VSTM4: variants seen among roughly 807,000 people sequenced by gnomAD.
VSTM4 encodes V-set and transmembrane domain-containing protein 4.
VSTM4 carries 20 observed loss-of-function variants against 36.4 expected under a neutral mutation model. The ratio of observed to expected loss-of-function variants is 0.55; its 90% CI spans 0.39 to 0.80. The LOEUF (loss-of-function observed/expected upper bound fraction) is 0.80. VSTM4 is among the 30% of genes least tolerant of loss of function. The pLI is 0.00. For synonymous variants in VSTM4, 182 were observed against 173.9 expected, an observed-to-expected ratio of 1.05 and a Z score of -0.37; for missense variants, 392 against 404.5, an observed-to-expected ratio of 0.97 and a Z score of 0.26.
intron 7 of VSTM4, among the ~76,000 whole-genome samples, chr10:49,031,090 G>A (rs1043171715): frequency 2.4e-4 from 37 of 152,296 alleles, no homozygotes; most frequent in African/African-American, 8.7e-4. Context: ...TAGAAAAAAG[G>A]GAGCCTTTGG....
chr10:49,030,543 G>C lies in VSTM4; in HGVS notation c.838-10768C>G, dbSNP rs1843329893. ...CACCCAGCATGCTCTAGGACAGTGG[G>C]AGGACTGGAAAAGTCTGGAGCTCAG... is the stretch of plus-strand genomic sequence containing the variant. On this transcript the variant is annotated intron_variant, in intron 7 of 7. Transcript: ENST00000332853. Among the ~76,000 whole-genome samples the C allele has an allele frequency of 3.3e-5, 5 of 152,350 alleles. No homozygotes were observed. In the South Asian group the frequency reaches 1.0e-3, roughly 32 times the overall value.
intron 5 of VSTM4, among the ~76,000 whole-genome samples, chr10:49,050,725 T>C (rs917663875): frequency 6.6e-6 from 1 of 152,228 alleles, no homozygotes; most frequent in African/African-American, 2.4e-5. Context: ...TTTTATAAAC[T>C]CTTGAAATGC....
At chr10:49,088,338 T>A (rs1413543529) in intron 2 of VSTM4, among the ~76,000 whole-genome samples, 1 of 152,176 alleles carries the variant, frequency 6.6e-6, no homozygotes, top group Non-Finnish European at 1.5e-5. Context: ...AACCTGGACC[T>A]CCAGGAAGGA....
Position 49,014,724 on chromosome 10 carries a change from T to G in VSTM4, c.*4926A>C, listed in dbSNP as rs2254861. The stretch of plus-strand genomic sequence containing the variant: ...CCCTCTGCAGAGTTCACACTGCAGA[T>G]CCCTTCTTCCTTTGAGACACCCCTA... On this transcript the variant is annotated 3_prime_UTR_variant, in exon 8 of 8. Transcript: ENST00000332853. The G allele has an allele frequency of 0.91, 139,028 of 152,314 alleles. 64,613 individuals carry two copies. Among genetic ancestry groups the G allele is most frequent in the Non-Finnish European group, 1 (68,001 of 68,142 alleles). 9.4% of individuals were successfully genotyped at this position (152,314 alleles called of 1,614,324 possible).
Position 49,016,410 on chromosome 10 carries a change from G to A in VSTM4, c.*3240C>T, listed in dbSNP as rs1410219891. The A allele has an allele frequency of 6.6e-6, 1 of 152,158 alleles. No homozygotes were observed. Among genetic ancestry groups the A allele is most frequent in the African/African-American group, 2.4e-5 (1 of 41,406 alleles). The allele number at this position is 152,158 out of a possible 1,614,324, so 9.4% of individuals were successfully genotyped here. A position where few individuals can be genotyped will look rare whatever the true frequency, so the allele number is the denominator to read the frequency against. On this transcript the variant is annotated 3_prime_UTR_variant, in exon 8 of 8. Coordinates refer to ENST00000332853, the MANE Select transcript of VSTM4 (RefSeq NM_001031746.5). ...CAACAGATAGATATGTGCCATTCCA[G>A]CTTCACTGCCCAAGGCAAAGATGAT... is the stretch of plus-strand genomic sequence containing the variant.
At chr10:49,110,160 G>A (rs1844866807) in intron 1 of VSTM4, among the ~76,000 whole-genome samples, 2 of 152,358 alleles carry the variant, frequency 1.3e-5, no homozygotes, top group Middle Eastern at 6.8e-3. Context: ...GAGAGCTGAG[G>A]AAGGCAGGAA....
intron 5 of VSTM4, among the ~76,000 whole-genome samples, chr10:49,057,585 C>T (rs1224825759): frequency 6.6e-6 from 1 of 152,210 alleles, no homozygotes; most frequent in Admixed American, 6.5e-5. Flanking sequence ...AGGAACCACC[C>T]CCATCTCACA....
intron 2 of VSTM4, among the ~76,000 whole-genome samples, chr10:49,098,409 A>G (rs139545654): frequency 8.3e-4 from 127 of 152,310 alleles, no homozygotes; most frequent in African/African-American, 2.9e-3. Context: ...ATTCACATCC[A>G]GTCCATCAGT....
In VSTM4 at chr10:49,069,975, G is replaced by A. The variant is rs922234228; in HGVS notation, c.635-5239C>T. ...TAGCATAAAAAAAGAAATATCGGCCGGGCGCGGTGGCTCACGCCTGTAATC... is the reference window on the plus strand; with the variant it reads ...TAGCATAAAAAAAGAAATATCGGCCAGGCGCGGTGGCTCACGCCTGTAATC... On this transcript the variant is annotated intron_variant, in intron 4 of 7. Coordinates refer to ENST00000332853, the MANE Select transcript of VSTM4 (RefSeq NM_001031746.5). Among the ~76,000 whole-genome samples the A allele has an allele frequency of 3.2e-5, 2 of 61,912 alleles. 1 individual carries two copies. Among genetic ancestry groups the A allele is most frequent in the Non-Finnish European group, 6.1e-5 (2 of 32,810 alleles). 40.6% of individuals were successfully genotyped at this position (61,912 alleles called of 152,430 possible).
At chr10:49,050,581 G>T (rs1431665822) in intron 5 of VSTM4, among the ~76,000 whole-genome samples, 1 of 152,134 alleles carries the variant, frequency 6.6e-6, no homozygotes, top group Non-Finnish European at 1.5e-5. Context: ...AGAGTACAGG[G>T]TCAATTGTGT....
chr10:49,028,517 T>C (rs1054001682), intron 7 of VSTM4, among the ~76,000 whole-genome samples: 3 of 152,224 alleles, frequency 2.0e-5, no homozygotes, highest in Admixed American at 6.5e-5. Context: ...GAGAGAAAAG[T>C]CAACCTCAAG....
intron 5 of VSTM4, 57 bp downstream of exon 5, chr10:49,064,646 A>T: frequency 1.3e-6 from 2 of 1,565,880 alleles, no homozygotes; most frequent in Non-Finnish European, 1.7e-6. Flanking sequence ...TGGTAATATC[A>T]AAAGAAAGTT....
At chr10:49,027,660 G>A (rs1382075724) in intron 7 of VSTM4, among the ~76,000 whole-genome samples, 1 of 152,124 alleles carries the variant, frequency 6.6e-6, no homozygotes, top group Non-Finnish European at 1.5e-5. Context: ...ACTATGTTTT[G>A]TCTCTTAGAA....
At chr10:49,105,479 G>A (rs186696015) in intron 2 of VSTM4, among the ~76,000 whole-genome samples, 24 of 152,176 alleles carry the variant, frequency 1.6e-4, no homozygotes, top group Admixed American at 1.2e-3. Flanking sequence ...GTGAAGGGAA[G>A]GGGAGCTGAG....
At chr10:49,104,282 G>A (rs1271799070) in intron 2 of VSTM4, among the ~76,000 whole-genome samples, 1 of 151,878 alleles carries the variant, frequency 6.6e-6, no homozygotes, top group African/African-American at 2.4e-5. Flanking sequence ...CTGGGAGACA[G>A]AGCAAGGAGA....
At chr10:49,078,873 C>T (rs1000137988) in intron 3 of VSTM4, among the ~76,000 whole-genome samples, 3 of 152,140 alleles carry the variant, frequency 2.0e-5, no homozygotes, top group Admixed American at 2.0e-4. Context: ...GCCCTGTGGC[C>T]CAGGCTGGAG....
intron 2 of VSTM4, among the ~76,000 whole-genome samples, chr10:49,097,018 A>G (rs758338893): frequency 4.6e-5 from 7 of 152,032 alleles, no homozygotes; most frequent in Non-Finnish European, 7.4e-5. Flanking sequence ...GGAGCCTCTT[A>G]GGGAGGCTAA....
chr10:49,089,423 C>A (rs1376144870), intron 2 of VSTM4, among the ~76,000 whole-genome samples: 2 of 152,302 alleles, frequency 1.3e-5, no homozygotes, highest in East Asian at 3.9e-4. Flanking sequence ...CCAACAGGTG[C>A]CTTCGGGTCA....
intron 1 of VSTM4, among the ~76,000 whole-genome samples, chr10:49,112,793 G>A (rs1844920750): frequency 6.6e-6 from 1 of 152,234 alleles, no homozygotes; most frequent in African/African-American, 2.4e-5. Flanking sequence ...GATGTAGCTG[G>A]TTATGTTTGT....
Sources: gnomAD v4.1 joint callset for allele counts (sites outside exome capture counted in the v4.1 genomes callset) on GRCh38, gnomAD v4.1.1 for gene constraint, MANE v1.5 for transcripts, NCBI Gene and HGNC (gene_info 2026-07-23, HGNC 2026-07-21) for gene names.